Variants in NCSTN observed in about 807,000 individuals in gnomAD.
NCSTN encodes anterior pharynx-defective 2.
A neutral mutation model predicts 87.0 loss-of-function variants in NCSTN; 22 were observed. The ratio of observed to expected loss-of-function variants is 0.25; its 90% CI spans 0.18 to 0.36. The LOEUF (loss-of-function observed/expected upper bound fraction) is 0.36, where lower values mean the gene tolerates loss of function less well. Among genes scored for constraint, NCSTN ranks in the 10% least tolerant of loss-of-function variants. The pLI is 1.00. For synonymous variants in NCSTN, 306 were observed against 327.1 expected (o/e 0.94, Z 0.69); for missense variants, 693 against 883.3 (o/e 0.78, Z 2.73).
rs140345723 is a variant in NCSTN at position 160,358,246 on chromosome 1, G to A, written c.2105G>A (p.Arg702Gln). 5 of 1,614,002 alleles carry A rather than the reference G, an allele frequency of 3.1e-6. No individual in the cohort carries two copies. The highest frequency in any genetic ancestry group is 1.7e-5 in the Admixed American group (1 of 59,996). The stretch of plus-strand genomic sequence containing the variant: ...GCTGATGTCCTTTTCATTGCTCCCC[G>A]GGAGCCAGGAGCTGTGTCATACTGA... ...AKADVLFIAP[R>Q]EPGAVSY Residue 702 changes from arginine to glutamine, a missense_variant, in exon 17 of 17, where the codon CGG becomes CAG. By Grantham distance (43) the Arg-to-Gln change is conservative (BLOSUM62 1). Transcript: ENST00000294785.
intron 11 of NCSTN, 89 bp from the exon 12 acceptor site, chr1:160,355,566 C>A: frequency 1.1e-6 from 1 of 919,784 alleles, no homozygotes; most frequent in Non-Finnish European, 1.8e-6. Context: ...AAATGAGATA[C>A]TGAGTCCCTG....
At chr1:160,353,746 T>C (rs1289544788) in intron 10 of NCSTN, 8 of 981,232 alleles carry the variant, frequency 8.2e-6, no homozygotes, top group South Asian at 4.7e-5. Context: ...ATTTAAAGAA[T>C]TGGTTATCTG....
intron 10 of NCSTN, 77 bp from the exon 11 acceptor site, chr1:160,354,041 G>A: frequency 6.9e-7 from 1 of 1,453,240 alleles, no homozygotes; most frequent in Non-Finnish European, 9.6e-7. Flanking sequence ...GAAGTATAGA[G>A]CATTTCAGGC....
intron 8 of NCSTN, among the ~76,000 whole-genome samples, chr1:160,352,522 G>A (rs149417959): frequency 0.021 from 3,123 of 152,282 alleles, 40 homozygotes; most frequent in Non-Finnish European, 0.032. Flanking sequence ...TCCAGGAGCC[G>A]TTAGGCTCCT....
chr1:160,347,990 T>C (rs1053013081), intron 2 of NCSTN, among the ~76,000 whole-genome samples: 1 of 152,242 alleles, frequency 6.6e-6, no homozygotes, highest in Non-Finnish European at 1.5e-5. Flanking sequence ...GGGCCGGGCA[T>C]GGTGGCTCAC....
At chr1:160,344,998 T>G (rs898526182) in intron 2 of NCSTN, 172 bp downstream of exon 2, 1 of 687,794 alleles carries the variant, frequency 1.5e-6, no homozygotes, top group African/African-American at 1.8e-5. Context: ...AACTAACATT[T>G]AGTAAATGCT....
intron 5 of NCSTN, 53 bp from the exon 6 acceptor site, chr1:160,351,169 A>C (rs887274369): frequency 5.0e-6 from 8 of 1,598,048 alleles, no homozygotes; most frequent in Non-Finnish European, 6.0e-6. Context: ...CTGGGATGTA[A>C]GGGAGGGCCT....
intron 8 of NCSTN, 39 bp from the exon 9 acceptor site, chr1:160,352,848 G>C (rs1387120388): frequency 1.3e-6 from 2 of 1,528,886 alleles, no homozygotes; most frequent in Admixed American, 3.3e-5. Flanking sequence ...TAACCCTTTG[G>C]AATCTCTGTT....
intron 2 of NCSTN, among the ~76,000 whole-genome samples, chr1:160,348,504 C>A (rs1310652936): frequency 6.6e-6 from 1 of 152,154 alleles, no homozygotes; most frequent in Non-Finnish European, 1.5e-5. Flanking sequence ...TCTTGACTAA[C>A]CTCATCTAAA....
At chr1:160,353,970 C>G in intron 10 of NCSTN, 148 bp from the exon 11 acceptor site, 1 of 922,724 alleles carries the variant, frequency 1.1e-6, no homozygotes, top group Non-Finnish European at 1.6e-6. Context: ...AGCCTTGGTC[C>G]CAAAAGGCTT....
At chr1:160,356,067 G>C (rs963540816) in intron 13 of NCSTN, 109 bp downstream of exon 13, 32 of 1,153,900 alleles carry the variant, frequency 2.8e-5, no homozygotes, top group Non-Finnish European at 4.0e-5. Flanking sequence ...TGTTGATGCC[G>C]GTGAGAATGC....
At chr1:160,357,948 G>T (rs1037075560) in intron 16 of NCSTN, among the ~76,000 whole-genome samples, 1 of 152,216 alleles carries the variant, frequency 6.6e-6, no homozygotes, top group Non-Finnish European at 1.5e-5. Flanking sequence ...ATGGAAGCAA[G>T]AACAGAGATG....
chr1:160,347,165 G>A (rs556201577), intron 2 of NCSTN, among the ~76,000 whole-genome samples: 9 of 152,312 alleles, frequency 5.9e-5, no homozygotes, highest in African/African-American at 1.9e-4. Context: ...GGGTAAGCGG[G>A]ACTGTGGCCA....
intron 5 of NCSTN, among the ~76,000 whole-genome samples, chr1:160,350,544 T>C (rs1200654373): frequency 1.3e-5 from 2 of 151,956 alleles, no homozygotes; most frequent in African/African-American, 2.4e-5. Context: ...AGACGGTTGC[T>C]CCAAAAAGAA....
At position 160,354,300 on chromosome 1, in the gene NCSTN, A is replaced by G. The variant is rs201883208; in HGVS notation, c.1352+10A>G. 33 of 1,613,744 alleles carry G rather than the reference A, an allele frequency of 2.0e-5. 1 individual carries two copies. Among genetic ancestry groups the G allele is most frequent in the Non-Finnish European group, 2.6e-5 (31 of 1,179,796 alleles). The stretch of plus-strand genomic sequence containing the variant: ...GTGCCTTCCATAACAAGTAAGAATC[A>G]CTTGGCCCTGCACCCTCTTCATTCT... On this transcript the variant is annotated intron_variant, in intron 11 of 16. Transcript: ENST00000294785.
rs202204790 is a variant in NCSTN at position 160,349,017 on chromosome 1, C to T, written c.209C>T (p.Thr70Ile). Reference sequence around the variant, plus strand: ...CTGGCAGCTTCAATTAGTGGAGACACAGGGGTTATCCACGTAGTAGAGAAA... The same window carrying T: ...CTGGCAGCTTCAATTAGTGGAGACATAGGGGTTATCCACGTAGTAGAGAAA... ...IGCQSSISGD[T>I]GVIHVVEKEE... Residue 70 changes from threonine to isoleucine, a missense_variant, in exon 3 of 17, where the codon ACA becomes ATA. Transcript: ENST00000294785. The T allele has an allele frequency of 6.2e-7, 1 of 1,614,104 alleles. No individual in the cohort carries two copies. The highest frequency in any genetic ancestry group is 8.5e-7 in the Non-Finnish European group (1 of 1,180,046).
intron 8 of NCSTN, 34 bp downstream of exon 8, chr1:160,352,240 GAAGA>G: frequency 6.2e-7 from 1 of 1,613,118 alleles, no homozygotes; most frequent in South Asian, 1.1e-5. Context: ...CAATGGCAGG[GAAGA>G]AAGAGGATAG....
rs1649227410 is a variant in NCSTN at position 160,358,137 on chromosome 1, C to T, written c.2008-12C>T. Reference sequence around the variant, plus strand: ...ATGCCTTTGTCCTTTCCTGCCCTCCCTCCCCCTGCAGTTGATCACCCTGAC... The same window carrying T: ...ATGCCTTTGTCCTTTCCTGCCCTCCTTCCCCCTGCAGTTGATCACCCTGAC... On this transcript the variant is annotated splice_polypyrimidine_tract_variant and intron_variant, in intron 16 of 16. Transcript: ENST00000294785. 2 of 1,614,014 alleles carry T rather than the reference C, an allele frequency of 1.2e-6. No individual in the cohort carries two copies. Among genetic ancestry groups the T allele is most frequent in the African/African-American group, 1.3e-5 (1 of 74,898 alleles).
intron 13 of NCSTN, 119 bp downstream of exon 13, chr1:160,356,077 C>A (rs1649115890): frequency 1.8e-6 from 2 of 1,107,058 alleles, no homozygotes; most frequent in South Asian, 1.3e-5. Context: ...GGTGAGAATG[C>A]CTCATGCCCC....
Sources: allele counts gnomAD v4.1 joint callset (sites outside exome capture counted in the v4.1 genomes callset), GRCh38; gene constraint gnomAD v4.1.1; transcripts MANE v1.5; gene names NCBI Gene and HGNC (gene_info 2026-07-23, HGNC 2026-07-21).